Variants in ESRRG observed in about 807,000 individuals in gnomAD.
The protein encoded by ESRRG is estrogen related receptor gamma.
Under a neutral mutation model 44.0 loss-of-function variants are expected in ESRRG, and 13 were observed. That is an observed-to-expected ratio of 0.30 (90% CI 0.19 to 0.47). The LOEUF (loss-of-function observed/expected upper bound fraction) is 0.47. ESRRG is among the 20% of genes least tolerant of loss of function. The probability of loss-of-function intolerance (pLI) is 1.00; values close to 1 mark genes in which losing one functional copy is unlikely to be tolerated. For synonymous variants in ESRRG, 215 were observed against 214.6 expected (o/e 1.00, Z -0.02); for missense variants, 395 against 580.6 (o/e 0.68, Z 3.29).
intron 2 of ESRRG, among the ~76,000 whole-genome samples, chr1:216,880,144 C>T (rs930192940): frequency 1.3e-5 from 2 of 151,140 alleles, no homozygotes; most frequent in East Asian, 3.9e-4. Flanking sequence ...CCCATCTCTA[C>T]TAAAATACAA....
chr1:217,097,678 T>C (rs1156519771), intron 1 of ESRRG, among the ~76,000 whole-genome samples: 2 of 152,172 alleles, frequency 1.3e-5, no homozygotes, highest in Non-Finnish European at 2.9e-5. Context: ...AGATAATGCA[T>C]GTGATGGCAT....
chr1:216,541,788 G>A (rs1372575240), intron 5 of ESRRG, among the ~76,000 whole-genome samples: 1 of 151,828 alleles, frequency 6.6e-6, no homozygotes, highest in African/African-American at 2.4e-5. Flanking sequence ...TACTGTGACT[G>A]AATTCCTTTC....
At chr1:216,769,329 T>TG (rs762796005) in intron 2 of ESRRG, among the ~76,000 whole-genome samples, 1 of 152,148 alleles carries the variant, frequency 6.6e-6, no homozygotes, top group Non-Finnish European at 1.5e-5. Context: ...CATTGAATAA[T>TG]GGGTTTTCAC....
intron 1 of ESRRG, among the ~76,000 whole-genome samples, chr1:217,101,174 A>G (rs922723602): frequency 2.0e-5 from 3 of 152,184 alleles, no homozygotes; most frequent in African/African-American, 7.2e-5. Context: ...GAGACAGAAC[A>G]AAAAAGAATA....
chr1:216,551,347 GT>G (rs1439540261), intron 5 of ESRRG, among the ~76,000 whole-genome samples: 1 of 152,036 alleles, frequency 6.6e-6, no homozygotes, highest in Non-Finnish European at 1.5e-5. Flanking sequence ...ATTACAAAGT[GT>G]TTAGGAAAAT....
chr1:216,742,986 A>C lies in ESRRG; in HGVS notation c.-13-65495T>G, dbSNP rs180864910. On this transcript the variant is annotated intron_variant, in intron 2 of 7. Transcript: ENST00000359162. ...GTGCAGCATCTTTCAAATTTGCTTC[A>C]GTTGTTAAAGATGAAATTATTAACT... Among the ~76,000 whole-genome samples the C allele has an allele frequency of 2.1e-3, 318 of 152,240 alleles. 1 individual carries two copies. The highest frequency in any genetic ancestry group is 3.7e-3 in the Non-Finnish European group (250 of 68,008).
At position 216,555,097 on chromosome 1, in the gene ESRRG, A is replaced by G. The variant is rs1246884875; in HGVS notation, c.862+9122T>C. On this transcript the variant is annotated intron_variant, in intron 5 of 6. Coordinates refer to ENST00000408911, the MANE Select transcript of ESRRG (RefSeq NM_001438.4). ...CATCAAAACCACACTTTGTTTCTTG[A>G]ACCTGGTGGTTACTTATTCACTGAA... 2.0e-5 allele frequency among the ~76,000 whole-genome samples: 3 copies of G among 152,146 alleles called. No homozygotes were observed. The East Asian group carries it at 5.8e-4, about 29-fold the overall frequency.
intron 2 of ESRRG, among the ~76,000 whole-genome samples, chr1:216,905,897 C>T (rs953015151): frequency 1.3e-5 from 2 of 152,052 alleles, no homozygotes; most frequent in African/African-American, 4.8e-5. Context: ...ACTACAGGCA[C>T]ATGCCACTAC....
At chr1:216,636,937 T>C (rs1352082547) in intron 3 of ESRRG, among the ~76,000 whole-genome samples, 1 of 152,222 alleles carries the variant, frequency 6.6e-6, no homozygotes, top group Non-Finnish European at 1.5e-5. Flanking sequence ...TTCCTTTTAC[T>C]TTGTCACCAT....
chr1:216,531,820 C>A (rs963620556), intron 5 of ESRRG, among the ~76,000 whole-genome samples: 8 of 152,024 alleles, frequency 5.3e-5, no homozygotes, highest in Admixed American at 3.9e-4. Context: ...AACAAGAGCA[C>A]CCACAGCAGT....
intron 1 of ESRRG, among the ~76,000 whole-genome samples, chr1:217,079,324 T>C (rs830324): frequency 0.97 from 148,338 of 152,310 alleles, 72,333 homozygotes; most frequent in East Asian, 1. Flanking sequence ...GTGCTTTTTA[T>C]TTCAAAGGCC....
chr1:216,820,296 C>T (rs1400212173), intron 2 of ESRRG, among the ~76,000 whole-genome samples: 1 of 152,110 alleles, frequency 6.6e-6, no homozygotes, highest in Non-Finnish European at 1.5e-5. Context: ...TTTATTCTTA[C>T]ATTCCCCTTT....
At chr1:216,970,960 T>G (rs1015813272) in intron 1 of ESRRG, among the ~76,000 whole-genome samples, 1 of 152,126 alleles carries the variant, frequency 6.6e-6, no homozygotes, top group Non-Finnish European at 1.5e-5. Context: ...GAAGGAAGAT[T>G]ATGCAAATAG....
At chr1:216,847,253 T>G (rs2148938639) in intron 2 of ESRRG, among the ~76,000 whole-genome samples, 1 of 152,228 alleles carries the variant, frequency 6.6e-6, no homozygotes, top group African/African-American at 2.4e-5. Context: ...TATCTAAAGT[T>G]TTCAAGTAAT....
At chr1:216,989,961 C>A (rs922489489) in intron 1 of ESRRG, among the ~76,000 whole-genome samples, 7 of 152,072 alleles carry the variant, frequency 4.6e-5, no homozygotes, top group Non-Finnish European at 1.0e-4. Flanking sequence ...AGAAAGATAA[C>A]CTGAGCTTTT....
chr1:216,980,328 A>G (rs964700191), intron 1 of ESRRG, among the ~76,000 whole-genome samples: 1 of 152,152 alleles, frequency 6.6e-6, no homozygotes, highest in Non-Finnish European at 1.5e-5. Flanking sequence ...ACTGCCTTTT[A>G]GACAACTCCA....
chr1:217,000,634 C>CTTGATTTCT (rs1270214177), intron 1 of ESRRG: 1 of 152,220 alleles, frequency 6.6e-6, no homozygotes, highest in Non-Finnish European at 1.5e-5. Context: ...CTATATAAAG[C>CTTGATTTCT]TTGATTTCTT....
intron 2 of ESRRG, among the ~76,000 whole-genome samples, chr1:216,896,028 T>G (rs575292381): frequency 6.6e-6 from 1 of 152,348 alleles, no homozygotes; most frequent in African/African-American, 2.4e-5. Context: ...AAACACTGAC[T>G]TTATTTATAC....
chr1:216,768,484 A>ATCTATCTATCTGTCTG (rs1472990007), intron 2 of ESRRG, among the ~76,000 whole-genome samples: 18 of 151,664 alleles, frequency 1.2e-4, no homozygotes, highest in African/African-American at 3.1e-4. Context: ...CTATCTATCT[A>ATCTATCTATCTGTCTG]TCTATCTATC....
Sources: allele counts gnomAD v4.1 joint callset (sites outside exome capture counted in the v4.1 genomes callset), GRCh38; gene constraint gnomAD v4.1.1; transcripts MANE v1.5; gene names NCBI Gene and HGNC (gene_info 2026-07-23, HGNC 2026-07-21).